Variants in VMP1 observed in about 807,000 individuals in gnomAD.
VMP1 encodes vacuole membrane protein 1.
A neutral mutation model predicts 56.0 loss-of-function variants in VMP1; 11 were observed. That is an observed-to-expected ratio of 0.20 (90% CI 0.12 to 0.32). The LOEUF (loss-of-function observed/expected upper bound fraction) is 0.32, where lower values mean the gene tolerates loss of function less well. Among genes scored for constraint, VMP1 ranks in the 10% least tolerant of loss-of-function variants. VMP1 has a pLI of 1.00. For missense variants in VMP1, 296 were observed against 490.3 expected (o/e 0.60, Z 3.74); for synonymous variants, 149 against 165.0 (o/e 0.90, Z 0.74).
rs564616692 is a variant in VMP1, at chr17:59,772,494, C to T, written c.583-1260C>T. On this transcript the variant is annotated intron_variant, in intron 6 of 11. Transcript: ENST00000262291. ...TAAGAACTAGCAGAGCTTGGCTGGG[C>T]GTGGTGGCTCACACCTGTAATCCCA... Among the ~76,000 whole-genome samples the T allele has an allele frequency of 7.3e-5, 11 of 150,656 alleles. No homozygotes were observed. The South Asian group carries it at 1.1e-3, about 14-fold the overall frequency.
chr17:59,731,237 ATAAATTGTTCAATAGAATAAC>A, intron 1 of VMP1, 163 bp from the exon 2 acceptor site: 2 of 325,352 alleles, frequency 6.1e-6, no homozygotes, highest in East Asian at 1.4e-4. Flanking sequence ...GAATATCTAT[ATAAATTGTTCAATAGAATAAC>A]TAAATTGTTC....
intron 10 of VMP1, among the ~76,000 whole-genome samples, chr17:59,836,418 G>A (rs574953772): frequency 3.3e-5 from 5 of 151,806 alleles, no homozygotes; most frequent in Non-Finnish European, 7.4e-5. Flanking sequence ...GGATGGTATT[G>A]AACTCCTGGG....
At chr17:59,762,502 A>AT (rs1280089256) in intron 5 of VMP1, among the ~76,000 whole-genome samples, 4 of 151,798 alleles carry the variant, frequency 2.6e-5, no homozygotes, top group Non-Finnish European at 5.9e-5. Flanking sequence ...ATATAAACAT[A>AT]TTTTTTCATT....
chr17:59,774,584 A>G (rs1018085428), intron 7 of VMP1, among the ~76,000 whole-genome samples: 1 of 152,226 alleles, frequency 6.6e-6, no homozygotes, highest in Non-Finnish European at 1.5e-5. Context: ...AGTAGTTACT[A>G]AAACTTTAAA....
At chr17:59,767,290 T>G (rs1271431029) in intron 6 of VMP1, among the ~76,000 whole-genome samples, 1 of 152,110 alleles carries the variant, frequency 6.6e-6, no homozygotes, top group African/African-American at 2.4e-5. Flanking sequence ...TGAAACACAG[T>G]TAAGTGTTAG....
intron 5 of VMP1, among the ~76,000 whole-genome samples, chr17:59,743,288 C>T (rs2035296993): frequency 6.6e-6 from 1 of 152,130 alleles, no homozygotes; most frequent in Admixed American, 6.5e-5. Flanking sequence ...CCTTTCACAA[C>T]CACTGATCTT....
At chr17:59,792,634 G>A (rs754359418) in intron 7 of VMP1, among the ~76,000 whole-genome samples, 3 of 151,654 alleles carry the variant, frequency 2.0e-5, no homozygotes, top group Non-Finnish European at 2.9e-5. Context: ...GGAGGCCGAG[G>A]CGGGCGGATC....
At chr17:59,822,203 G>A (rs1033174365) in intron 10 of VMP1, among the ~76,000 whole-genome samples, 2 of 151,854 alleles carry the variant, frequency 1.3e-5, no homozygotes, top group African/African-American at 4.8e-5. Flanking sequence ...TGCTAGTAAA[G>A]CTTTATTATC....
At chr17:59,736,027 G>A (rs1181657537) in intron 3 of VMP1, among the ~76,000 whole-genome samples, 1 of 152,008 alleles carries the variant, frequency 6.6e-6, no homozygotes, top group African/African-American at 2.4e-5. Flanking sequence ...CATTTTTATT[G>A]TACTAAGAGT....
intron 1 of VMP1, among the ~76,000 whole-genome samples, chr17:59,728,971 C>T (rs1334779056): frequency 1.3e-5 from 2 of 152,120 alleles, no homozygotes; most frequent in Non-Finnish European, 1.5e-5. Context: ...TCTGCTAATC[C>T]ACTTTCTGTT....
chr17:59,824,872 CAAAAA>C (rs1204824277), intron 10 of VMP1, among the ~76,000 whole-genome samples: 6 of 62,996 alleles, frequency 9.5e-5, no homozygotes, highest in Non-Finnish European at 3.0e-5. Flanking sequence ...GACTCCGTCT[CAAAAA>C]AAAAAAAAAA....
chr17:59,826,768 G>T (rs1040524654), intron 10 of VMP1, among the ~76,000 whole-genome samples: 1 of 152,196 alleles, frequency 6.6e-6, no homozygotes, highest in African/African-American at 2.4e-5. Context: ...TCATGAACCA[G>T]TTCTTTCTTG....
At chr17:59,819,116 C>A (rs1231722076) in intron 10 of VMP1, among the ~76,000 whole-genome samples, 1 of 152,082 alleles carries the variant, frequency 6.6e-6, no homozygotes, top group Non-Finnish European at 1.5e-5. Flanking sequence ...TCAGTGGAGC[C>A]AGTCATTAGT....
At chr17:59,753,359 AAT>A (rs2035724351) in intron 5 of VMP1, among the ~76,000 whole-genome samples, 2 of 152,344 alleles carry the variant, frequency 1.3e-5, no homozygotes, top group South Asian at 4.1e-4. Context: ...ATTTCCCACT[AAT>A]AGAAATATGA....
chr17:59,736,260 G>A (rs757722393), intron 3 of VMP1, among the ~76,000 whole-genome samples: 4 of 151,440 alleles, frequency 2.6e-5, no homozygotes, highest in East Asian at 1.9e-4. Flanking sequence ...AAAATTAGCC[G>A]GGCGTGGTGG....
intron 2 of VMP1, among the ~76,000 whole-genome samples, chr17:59,732,345 A>C (rs941993328): frequency 1.3e-5 from 2 of 152,164 alleles, no homozygotes; most frequent in African/African-American, 4.8e-5. Flanking sequence ...TCCCAGGTTC[A>C]AGCAATTCTG....
At chr17:59,811,916 A>T in intron 9 of VMP1, 130 bp downstream of exon 9, 1 of 636,144 alleles carries the variant, frequency 1.6e-6, no homozygotes, top group Non-Finnish European at 2.8e-6. Flanking sequence ...CTTAGGTAAT[A>T]CCACATAGAA....
At chr17:59,731,686 G>A (rs2034829877) in intron 2 of VMP1, among the ~76,000 whole-genome samples, 164 bp downstream of exon 2, 1 of 152,122 alleles carries the variant, frequency 6.6e-6, no homozygotes, top group African/African-American at 2.4e-5. Context: ...ATATTTCACA[G>A]TGATGGCAGA....
chr17:59,818,392 TTAAG>T (rs1358210325), intron 10 of VMP1, among the ~76,000 whole-genome samples: 1 of 151,576 alleles, frequency 6.6e-6, no homozygotes, highest in African/African-American at 2.4e-5. Flanking sequence ...TAGTATTTAA[TTAAG>T]TAAGTCATGT....
Sources: allele counts gnomAD v4.1 joint callset (sites outside exome capture counted in the v4.1 genomes callset), GRCh38; gene constraint gnomAD v4.1.1; transcripts MANE v1.5; gene names NCBI Gene and HGNC (gene_info 2026-07-23, HGNC 2026-07-21).